Variants in TMEM132B observed in about 807,000 individuals in gnomAD.
TMEM132B encodes the protein transmembrane protein 132B.
In TMEM132B, 18 loss-of-function variants were observed where a neutral mutation model predicts 90.8. That is an observed-to-expected ratio of 0.20 (90% CI 0.14 to 0.29). TMEM132B has a LOEUF of 0.29. Among genes scored for constraint, TMEM132B ranks in the 10% least tolerant of loss-of-function variants. The pLI, the probability that TMEM132B is intolerant of heterozygous loss-of-function variation, is 1.00. For missense variants in TMEM132B, 1,096 were observed against 1,326.8 expected, an observed-to-expected ratio of 0.83 and a Z score of 2.70; for synonymous variants, 504 against 523.3, an observed-to-expected ratio of 0.96 and a Z score of 0.50.
intron 2 of TMEM132B, among the ~76,000 whole-genome samples, chr12:125,360,740 C>T (rs1414280801): frequency 1.3e-5 from 2 of 150,966 alleles, no homozygotes; most frequent in Admixed American, 6.7e-5. Context: ...AGGCTGTGGA[C>T]GATGGGCAGG....
chr12:125,236,950 G>A (rs1010219074), intron 1 of TMEM132B, among the ~76,000 whole-genome samples: 10 of 152,260 alleles, frequency 6.6e-5, no homozygotes, highest in Non-Finnish European at 1.2e-4. Context: ...AGTGGAGCAG[G>A]AGAGGGAGGA....
intron 1 of TMEM132B, among the ~76,000 whole-genome samples, chr12:125,333,202 A>T (rs1319592317): frequency 1.3e-5 from 2 of 152,010 alleles, no homozygotes; most frequent in Non-Finnish European, 2.9e-5. Flanking sequence ...GCCTTCTCCT[A>T]TGTCTTTGTG....
chr12:125,195,857 C>T (rs1213156198), intron 1 of TMEM132B, among the ~76,000 whole-genome samples: 6 of 151,948 alleles, frequency 3.9e-5, no homozygotes, highest in Admixed American at 2.6e-4. Context: ...TTGGCAGGGT[C>T]GAGGGACAGA....
intron 6 of TMEM132B, 119 bp from the exon 7 acceptor site, chr12:125,650,564 C>T: frequency 8.2e-7 from 1 of 1,215,024 alleles, no homozygotes. Context: ...TGAGCAGGTC[C>T]TGCAGGAGAA....
At chr12:125,514,559 C>G (rs536791611) in intron 3 of TMEM132B, among the ~76,000 whole-genome samples, 1 of 152,354 alleles carries the variant, frequency 6.6e-6, no homozygotes, top group African/African-American at 2.4e-5. Flanking sequence ...GAGACAGCTT[C>G]TCTTGTCCCA....
At position 125,406,185 on chromosome 12, in the gene TMEM132B, G is replaced by A. The variant is rs1879471317; in HGVS notation, c.960-9346G>A. On this transcript the variant is annotated intron_variant, in intron 2 of 8. Transcript: ENST00000682704. This position sits in a 1 kb window ranked among gnomAD's most constrained non-coding sequence, Gnocchi z 8.3. Reference sequence around the variant, plus strand: ...GTGAGTACCTTTTACTGTCCAAACAGGAATCTTCTTTATCTCCTCTGGCTA... The same window carrying A: ...GTGAGTACCTTTTACTGTCCAAACAAGAATCTTCTTTATCTCCTCTGGCTA... 6.6e-6 allele frequency among the ~76,000 whole-genome samples: 1 copy of A among 152,176 alleles called. No homozygotes were observed. The highest frequency in any genetic ancestry group is 6.5e-5 in the Admixed American group (1 of 15,282).
At chr12:125,639,775 G>A (rs2137017443) in intron 5 of TMEM132B, among the ~76,000 whole-genome samples, 1 of 152,352 alleles carries the variant, frequency 6.6e-6, no homozygotes, top group Admixed American at 6.5e-5. Flanking sequence ...CCAGAGGCGG[G>A]TGCCAAGTTT....
At position 125,383,294 on chromosome 12, in the gene TMEM132B, G is replaced by A. The variant is rs573737586; in HGVS notation, c.960-32237G>A. ...TGGACCACCTTCGTGATTTGTGCTC[G>A]TAGCAACATACCACCCAAACTCTTT... On this transcript the variant is annotated intron_variant, in intron 2 of 8. Transcript: ENST00000682704. Among the ~76,000 whole-genome samples, 109 of 152,258 alleles carry A rather than the reference G, an allele frequency of 7.2e-4. 1 individual carries two copies. The highest frequency in any genetic ancestry group is 2.2e-3 in the African/African-American group (90 of 41,532).
Position 125,415,689 on chromosome 12 carries a change from G to C in TMEM132B, c.1106+12G>C. 6.2e-7 allele frequency: 1 copy of C among 1,613,726 alleles called. No homozygotes were observed. The highest frequency in any genetic ancestry group is 8.5e-7 in the Non-Finnish European group (1 of 1,179,834). ...GACACGCAGAGCAGGTAAGCATGGA[G>C]ATCCCCAAGGCACCTCCGCAGTGGG... On this transcript the variant is annotated intron_variant, in intron 3 of 8. Coordinates refer to ENST00000682704, the MANE Select transcript of TMEM132B (RefSeq NM_001366854.1). The surrounding 1 kb of genome is among the most constrained non-coding windows in gnomAD (Gnocchi z 5.3).
At chr12:125,584,277 T>C in intron 5 of TMEM132B, 2 of 408,724 alleles carry the variant, frequency 4.9e-6, no homozygotes, top group Non-Finnish European at 9.0e-6. Flanking sequence ...TCCCCTATTC[T>C]TCTCTCTATC....
intron 1 of TMEM132B, among the ~76,000 whole-genome samples, chr12:125,303,107 A>AG (rs1444996256): frequency 1.3e-5 from 2 of 151,982 alleles, no homozygotes; most frequent in Non-Finnish European, 1.5e-5. Context: ...TAAAAAAAAA[A>AG]CAGAAGGGAA....
intron 1 of TMEM132B, among the ~76,000 whole-genome samples, chr12:125,347,701 G>C (rs144606280): frequency 1.4e-3 from 212 of 152,312 alleles, no homozygotes; most frequent in Non-Finnish European, 2.7e-3. Flanking sequence ...CAGGACTCCA[G>C]TGGTGGAGGT....
intron 1 of TMEM132B, among the ~76,000 whole-genome samples, chr12:125,242,689 C>T (rs928521992): frequency 1.3e-5 from 2 of 152,182 alleles, no homozygotes; most frequent in Non-Finnish European, 2.9e-5. Context: ...CTGGACAGTT[C>T]GGAGCCTGAG....
At chr12:125,248,337 T>C (rs549318249) in intron 1 of TMEM132B, among the ~76,000 whole-genome samples, 1 of 152,340 alleles carries the variant, frequency 6.6e-6, no homozygotes, top group South Asian at 2.1e-4. Flanking sequence ...TCTATCCTTA[T>C]TTAAATATCT....
At chr12:125,273,150 A>G (rs1565989307) in intron 1 of TMEM132B, among the ~76,000 whole-genome samples, 1 of 152,168 alleles carries the variant, frequency 6.6e-6, no homozygotes, top group Non-Finnish European at 1.5e-5. Flanking sequence ...GCCCTTTTGA[A>G]CACACATATA....
intron 4 of TMEM132B, among the ~76,000 whole-genome samples, chr12:125,555,639 A>T (rs562046680): frequency 2.3e-4 from 35 of 151,640 alleles, no homozygotes; most frequent in African/African-American, 8.0e-4. Flanking sequence ...GGTGCAGCAC[A>T]CCAACATGGC....
At chr12:125,447,570 C>T (rs1269150291) in intron 3 of TMEM132B, among the ~76,000 whole-genome samples, 1 of 152,154 alleles carries the variant, frequency 6.6e-6, no homozygotes, top group Admixed American at 6.5e-5. Flanking sequence ...AGTCAACACT[C>T]ACATATATTA....
intron 3 of TMEM132B, among the ~76,000 whole-genome samples, chr12:125,441,640 G>A (rs1310219065): frequency 1.3e-5 from 2 of 152,196 alleles, no homozygotes; most frequent in Non-Finnish European, 2.9e-5. Flanking sequence ...GTAGCCCAAT[G>A]TGTTACAGAA....
Position 125,490,281 on chromosome 12 carries a change from G to A in TMEM132B, c.1107-29158G>A, listed in dbSNP as rs1882313526. On this transcript the variant is annotated intron_variant, in intron 3 of 8. Transcript: ENST00000682704. The surrounding 1 kb of genome is among the most constrained non-coding windows in gnomAD (Gnocchi z 4.2). ...CTCATTTACAGATGAGGAAACTGAA[G>A]CGTGAAGAGACTAAACCCAAGGTAA... Among the ~76,000 whole-genome samples, 1 of 152,066 alleles carries A rather than the reference G, an allele frequency of 6.6e-6. No individual in the cohort carries two copies. The highest frequency in any genetic ancestry group is 2.4e-5 in the African/African-American group (1 of 41,400).
Sources: allele counts gnomAD v4.1 joint callset (sites outside exome capture counted in the v4.1 genomes callset), GRCh38; gene constraint gnomAD v4.1.1; non-coding constraint Gnocchi (gnomAD v3.1); transcripts MANE v1.5; gene names NCBI Gene and HGNC (gene_info 2026-07-23, HGNC 2026-07-21).